ARID1B: variants seen among roughly 807,000 people sequenced by gnomAD.
ARID1B encodes AT-rich interaction domain 1B, also known as AT-rich interactive domain-containing protein 1B.
Under a neutral mutation model 212.3 loss-of-function variants are expected in ARID1B, and 30 were observed. That is an observed-to-expected ratio of 0.14 (90% CI 0.11 to 0.19). The LOEUF (loss-of-function observed/expected upper bound fraction) is 0.19, where lower values mean the gene tolerates loss of function less well. Ranked by LOEUF, ARID1B falls within the 10% of genes least tolerant of loss-of-function variation. ARID1B has a pLI of 1.00. For missense variants in ARID1B, 2,891 were observed against 3,204.0 expected (o/e 0.90, Z 2.36); for synonymous variants, 1,402 against 1,301.7 (o/e 1.08, Z -1.66).
At chr6:156,975,108 C>T (rs936050958) in intron 4 of ARID1B, among the ~76,000 whole-genome samples, 2 of 152,222 alleles carry the variant, frequency 1.3e-5, no homozygotes, top group Non-Finnish European at 2.9e-5. Context: ...CACTGTTTTC[C>T]AAATGACTGA....
At chr6:157,098,154 T>A (rs1455579120) in intron 5 of ARID1B, among the ~76,000 whole-genome samples, 2 of 152,148 alleles carry the variant, frequency 1.3e-5, no homozygotes, top group Non-Finnish European at 2.9e-5. Flanking sequence ...TTGTTTTTAT[T>A]AATTTGCCCT....
intron 5 of ARID1B, among the ~76,000 whole-genome samples, chr6:157,103,831 C>CTT (rs869280492): frequency 0.11 from 13,084 of 118,146 alleles, 870 homozygotes; most frequent in African/African-American, 0.16. Flanking sequence ...ATATTAACAA[C>CTT]TTTTTTTTTT....
intron 7 of ARID1B, among the ~76,000 whole-genome samples, chr6:157,136,058 T>C (rs1307777311): frequency 1.3e-5 from 2 of 152,268 alleles, no homozygotes; most frequent in African/African-American, 4.8e-5. Flanking sequence ...CCAGCATTTA[T>C]TGAACATGTT....
rs553970694 is a variant in ARID1B, at chr6:156,955,106, T to C, written c.2247+19530T>C. Reference sequence around the variant, plus strand: ...CATCCATCCTGCACCTGAGCTCAAGTGCTCATCGACCCTTCCTGGCTGCTG... The same window carrying C: ...CATCCATCCTGCACCTGAGCTCAAGCGCTCATCGACCCTTCCTGGCTGCTG... On this transcript the variant is annotated intron_variant, in intron 4 of 19. Coordinates refer to ENST00000636930, the MANE Select transcript of ARID1B (RefSeq NM_001374828.1). This position sits in a 1 kb window ranked among gnomAD's most constrained non-coding sequence, Gnocchi z 4.2. 1.3e-5 allele frequency among the ~76,000 whole-genome samples: 2 copies of C among 152,344 alleles called. No homozygotes were observed. Among genetic ancestry groups the C allele is most frequent in the South Asian group, 4.1e-4 (2 of 4,826 alleles).
rs542544654 is a variant in ARID1B at position 157,125,695 on chromosome 6, C to T, written c.2582-7333C>T. 1.2e-3 allele frequency among the ~76,000 whole-genome samples: 178 copies of T among 152,334 alleles called. 2 individuals carry two copies. Among genetic ancestry groups the T allele is most frequent in the South Asian group, 6.4e-3 (31 of 4,826 alleles). ...CCTGTGCTGCTTTTATTCTCCACGT[C>T]ACACACTGACTTTGAGTTATTTGTC... On this transcript the variant is annotated intron_variant, in intron 6 of 19. Coordinates refer to ENST00000636930, the MANE Select transcript of ARID1B (RefSeq NM_001374828.1).
At position 157,181,159 on chromosome 6, in the gene ARID1B, A is replaced by G. The variant is rs751670059; in HGVS notation, c.3695A>G (p.Glu1232Gly). The G allele has an allele frequency of 1.2e-6, 2 of 1,614,150 alleles. No individual in the cohort carries two copies. Among genetic ancestry groups the G allele is most frequent in the East Asian group, 4.5e-5 (2 of 44,884 alleles). The change falls in exon 12 of 20, where the codon GAG becomes GGG. Residue 1232 changes from glutamate to glycine, a missense_variant. Physicochemically the swap from Glu to Gly is moderately conservative, Grantham distance 98. This residue lies in a region of ARID1B where 666 missense variants were observed against 873.5 expected (regional missense o/e 0.76). Coordinates refer to ENST00000636930, the MANE Select transcript of ARID1B (RefSeq NM_001374828.1). ...DLFRLYVCVK[E>G]IGGLAQVNKN... ...TTCCGACTCTACGTCTGCGTCAAAG[A>G]GATCGGGGGTTTGGCCCAGGTAAGA...
intron 4 of ARID1B, among the ~76,000 whole-genome samples, chr6:157,021,755 C>A (rs959905503): frequency 6.6e-6 from 1 of 152,032 alleles, no homozygotes; most frequent in East Asian, 1.9e-4. Context: ...CTCCTGGAGG[C>A]GGGAGGCGGC....
At chr6:156,837,349 G>T (rs1783581455) in intron 2 of ARID1B, among the ~76,000 whole-genome samples, 1 of 152,192 alleles carries the variant, frequency 6.6e-6, no homozygotes, top group African/African-American at 2.4e-5. Context: ...TTTCTAAGTA[G>T]TTCTGAAAAC....
At chr6:157,006,751 C>G (rs1779269793) in intron 4 of ARID1B, among the ~76,000 whole-genome samples, 1 of 152,158 alleles carries the variant, frequency 6.6e-6, no homozygotes, top group African/African-American at 2.4e-5. Context: ...TGTGAAGAAG[C>G]TTTCAGCACA....
chr6:156,912,319 C>A (rs1202655682), intron 3 of ARID1B, among the ~76,000 whole-genome samples: 4 of 150,998 alleles, frequency 2.6e-5, no homozygotes, highest in Non-Finnish European at 4.4e-5. Flanking sequence ...TCTTCCTTAC[C>A]CAACTAAAAT....
In ARID1B at chr6:157,206,131, C is replaced by A; in HGVS notation, c.5395-36C>A. The stretch of plus-strand genomic sequence containing the variant: ...CATATCTGATGTCATGACATTGTAC[C>A]TGTTCTTTCTTTCTTCTCCTCCTCC... On this transcript the variant is annotated intron_variant, in intron 19 of 19. Coordinates refer to ENST00000636930, the MANE Select transcript of ARID1B (RefSeq NM_001374828.1). The surrounding 1 kb of genome is among the most constrained non-coding windows in gnomAD (Gnocchi z 6.8). 1 of 1,601,718 alleles carries A rather than the reference C, an allele frequency of 6.2e-7. No individual in the cohort carries two copies. The highest frequency in any genetic ancestry group is 8.5e-7 in the Non-Finnish European group (1 of 1,171,674).
intron 5 of ARID1B, among the ~76,000 whole-genome samples, chr6:157,093,991 A>G (rs1419189549): frequency 1.3e-5 from 2 of 152,278 alleles, no homozygotes; most frequent in South Asian, 2.1e-4. Context: ...TGGGAAAGAC[A>G]GGAAATACAT....
intron 1 of ARID1B, among the ~76,000 whole-genome samples, chr6:156,813,991 C>G (rs1487983712): frequency 1.3e-5 from 2 of 152,204 alleles, no homozygotes; most frequent in East Asian, 1.9e-4. Flanking sequence ...TAGCCTGCAC[C>G]ACGAGAGTGG....
intron 3 of ARID1B, among the ~76,000 whole-genome samples, chr6:156,921,990 A>G (rs1206318909): frequency 6.6e-6 from 1 of 152,114 alleles, no homozygotes; most frequent in Non-Finnish European, 1.5e-5. Context: ...CTTTTGAGGC[A>G]GGATCTTTCT....
At chr6:156,871,504 G>A in intron 2 of ARID1B, 1 of 891,934 alleles carries the variant, frequency 1.1e-6, no homozygotes, top group Non-Finnish European at 1.8e-6. Context: ...TTTTCTTGGA[G>A]TGATTAAGTT....
chr6:156,899,957 G>T (rs942039773), intron 2 of ARID1B, among the ~76,000 whole-genome samples: 1 of 152,316 alleles, frequency 6.6e-6, no homozygotes. Flanking sequence ...AAACATATGG[G>T]TGTTGAACGG....
intron 4 of ARID1B, among the ~76,000 whole-genome samples, chr6:156,977,395 T>G (rs1282174188): frequency 6.6e-6 from 1 of 152,070 alleles, no homozygotes; most frequent in East Asian, 1.9e-4. Context: ...GTCTTCAATT[T>G]CAGGCTTATT....
chr6:156,844,889 T>G lies in ARID1B; in HGVS notation c.1986+15468T>G, dbSNP rs935128916. On this transcript the variant is annotated intron_variant, in intron 2 of 19. Transcript: ENST00000636930. ...GATAACTGCCCATTATTTTACGTTT[T>G]AAGAAATGTATACATCACCAGTTTA... 1.2e-4 allele frequency among the ~76,000 whole-genome samples: 18 copies of G among 152,356 alleles called. No homozygotes were observed. The South Asian group carries it at 1.7e-3, about 14-fold the overall frequency.
chr6:157,037,461 G>T (rs541866943), intron 4 of ARID1B, among the ~76,000 whole-genome samples: 85 of 152,268 alleles, frequency 5.6e-4, no homozygotes, highest in African/African-American at 2.0e-3. Context: ...TTTCTAGGAG[G>T]TGGATCCCTG....
Sources: allele counts gnomAD v4.1 joint callset (sites outside exome capture counted in the v4.1 genomes callset), GRCh38; gene constraint gnomAD v4.1.1; regional missense constraint gnomAD v4.1.1; non-coding constraint Gnocchi (gnomAD v3.1); transcripts MANE v1.5; gene names NCBI Gene and HGNC (gene_info 2026-07-23, HGNC 2026-07-21).